ZNF362: variants seen among roughly 807,000 people sequenced by gnomAD.
ZNF362 encodes the protein zinc finger protein 362.
In ZNF362, 11 loss-of-function variants were observed where a neutral mutation model predicts 42.9. The ratio of observed to expected loss-of-function variants is 0.26; its 90% confidence interval spans 0.16 to 0.42. ZNF362 has a LOEUF of 0.42. Ranked by LOEUF, ZNF362 falls within the 20% of genes least tolerant of loss-of-function variation. The pLI is 1.00. For missense variants in ZNF362, 362 were observed against 576.2 expected (o/e 0.63, Z 3.81); for synonymous variants, 255 against 257.3 (o/e 0.99, Z 0.09).
At chr1:33,220,593 G>C in the ZNF362 span, among the ~76,000 whole-genome samples, 1 of 152,114 alleles carries the variant, frequency 6.6e-6, no homozygotes, top group Admixed American at 6.5e-5. Context: ...GGCGCCATCT[G>C]TGGCTGATTT....
chr1:33,287,602 G>C (rs1439507586), intron 6 of ZNF362, among the ~76,000 whole-genome samples: 1 of 152,218 alleles, frequency 6.6e-6, no homozygotes, highest in Non-Finnish European at 1.5e-5. Flanking sequence ...GGATTTGTCT[G>C]TTTATTCAGG....
chr1:33,147,100 C>G, the ZNF362 span: 6 of 1,527,722 alleles, frequency 3.9e-6, no homozygotes, highest in Non-Finnish European at 5.3e-6. This position sits in a 1 kb window ranked among gnomAD's most constrained non-coding sequence, Gnocchi z 8.1. Flanking sequence ...GGGCTGGAGT[C>G]CAGGTCTTCT....
chr1:33,256,172 TGGCGGCGGCGGC>T (rs535478080), upstream of ZNF362, among the ~76,000 whole-genome samples: 11 of 145,494 alleles, frequency 7.6e-5, no homozygotes, highest in African/African-American at 1.3e-4. Context: ...TGCCAGGCGG[TGGCGGCGGCGGC>T]GGCGGCGGCG....
intron 1 of ZNF362, among the ~76,000 whole-genome samples, chr1:33,256,979 A>G (rs1001945883): frequency 2.0e-5 from 3 of 151,946 alleles, no homozygotes; most frequent in Non-Finnish European, 4.4e-5. Context: ...CCCTGCTGCA[A>G]TTCTCCGGTA....
the ZNF362 span, among the ~76,000 whole-genome samples, chr1:33,131,214 A>G: frequency 6.6e-6 from 1 of 152,252 alleles, no homozygotes; most frequent in East Asian, 1.9e-4. Context: ...AGTGTATGGT[A>G]TACCATTCTC....
chr1:33,256,456 G>A, upstream of ZNF362: 1 of 163,376 alleles, frequency 6.1e-6, no homozygotes, highest in Non-Finnish European at 1.2e-5. Flanking sequence ...GCCTCCCGCC[G>A]CCGCCGCCGC....
At chr1:33,231,347 G>A in the ZNF362 span, among the ~76,000 whole-genome samples, 4 of 152,272 alleles carry the variant, frequency 2.6e-5, no homozygotes, top group South Asian at 8.3e-4. Context: ...ATTGCATGAT[G>A]GCCACATCAT....
At chr1:33,215,660 T>C in the ZNF362 span, among the ~76,000 whole-genome samples, 714 of 152,240 alleles carry the variant, frequency 4.7e-3, 7 homozygotes, top group African/African-American at 0.016. Context: ...GTCACTAACA[T>C]TTTTTAAAAA....
Position 33,280,451 on chromosome 1 carries a change from C to T in ZNF362, c.677C>T (p.Thr226Met), listed in dbSNP as rs1352987659. The change falls in exon 5 of 9, where the codon ACG becomes ATG. Residue 226 changes from threonine (T) to methionine (M), a missense_variant. Around this residue, in one of 3 missense-constraint regions of ZNF362, gnomAD observed 266 missense variants for 365.4 expected, o/e 0.73. Transcript: ENST00000539719. The surrounding 1 kb of genome is among the most constrained non-coding windows in gnomAD (Gnocchi z 5.6). ...ASGETAKEGK[T>M]YRCKVCPLTF... ...GGCGAGACTGCCAAGGAGGGCAAGA[C>T]GTACAGGTGGGGGTCTTGGCGGGAT... 1.9e-6 allele frequency: 3 copies of T among 1,588,640 alleles called. No individual in the cohort carries two copies. The highest frequency in any genetic ancestry group is 4.6e-5 in the East Asian group (2 of 43,780).
At chr1:33,220,524 C>T in the ZNF362 span, among the ~76,000 whole-genome samples, 2 of 152,178 alleles carry the variant, frequency 1.3e-5, no homozygotes, top group South Asian at 4.2e-4. Context: ...AACCCACCCC[C>T]CTACAGTCAT....
upstream of ZNF362, among the ~76,000 whole-genome samples, chr1:33,254,326 G>A (rs1352228113): frequency 6.6e-6 from 1 of 152,122 alleles, no homozygotes; most frequent in African/African-American, 2.4e-5. Flanking sequence ...GTTTCACCAC[G>A]TTGGTCAGGC....
the ZNF362 span, among the ~76,000 whole-genome samples, chr1:33,229,421 T>G: frequency 7.1e-6 from 1 of 141,638 alleles, no homozygotes; most frequent in African/African-American, 2.5e-5. Context: ...TTTTTTTTTT[T>G]TGTGAGACGG....
chr1:33,156,711 T>C, the ZNF362 span, among the ~76,000 whole-genome samples: 1 of 152,204 alleles, frequency 6.6e-6, no homozygotes, highest in South Asian at 2.1e-4. Flanking sequence ...ACCTTCCTTT[T>C]GTATTGCTGG....
At chr1:33,149,496 C>T in the ZNF362 span, among the ~76,000 whole-genome samples, 2 of 152,028 alleles carry the variant, frequency 1.3e-5, no homozygotes, top group African/African-American at 4.8e-5. Flanking sequence ...ACTCTGCCAC[C>T]CAGGCTGGAG....
intron 6 of ZNF362, among the ~76,000 whole-genome samples, chr1:33,291,730 T>C (rs1171878333): frequency 6.6e-6 from 1 of 152,236 alleles, no homozygotes. Context: ...TTGTATCCTC[T>C]TTTATTTATT....
Position 33,276,606 on chromosome 1 carries a change from G to GGGCAGGGCC in ZNF362, c.349+15_349+16insAGGGCCGGC, listed in dbSNP as rs901124081. The GGGCAGGGCC allele has an allele frequency of 2.3e-6, 3 of 1,326,282 alleles. No individual in the cohort carries two copies. The African/African-American group carries it at 4.7e-5, about 21-fold the overall frequency. 82.2% of individuals were successfully genotyped at this position (1,326,282 alleles called of 1,614,324 possible). On this transcript the variant is annotated intron_variant, in intron 4 of 8. Transcript: ENST00000539719. The stretch of plus-strand genomic sequence containing the variant: ...CAGCACCGTCACAGGTAGGCCGAGC[G>GGGCAGGGCC]GGCGGGGCCGGCGGGGCCGGTGAGG...
chr1:33,226,294 G>C, the ZNF362 span, among the ~76,000 whole-genome samples: 2 of 152,208 alleles, frequency 1.3e-5, no homozygotes, highest in Admixed American at 1.3e-4. Flanking sequence ...GAAGGGCATA[G>C]AGCTAAGACA....
chr1:33,201,433 T>C, the ZNF362 span, among the ~76,000 whole-genome samples: 1 of 152,216 alleles, frequency 6.6e-6, no homozygotes, highest in Non-Finnish European at 1.5e-5. Context: ...TCAAGTCATA[T>C]AAAGTATATT....
chr1:33,181,489 G>A, the ZNF362 span: 31 of 1,517,840 alleles, frequency 2.0e-5, no homozygotes, highest in East Asian at 2.4e-5. This position sits in a 1 kb window ranked among gnomAD's most constrained non-coding sequence, Gnocchi z 6.5. Context: ...CTGAGAGAGC[G>A]CGGCGCTGTC....
Sources: allele counts gnomAD v4.1 joint callset (sites outside exome capture counted in the v4.1 genomes callset), GRCh38; gene constraint gnomAD v4.1.1; regional missense constraint gnomAD v4.1.1; non-coding constraint Gnocchi (gnomAD v3.1); transcripts MANE v1.5; gene names NCBI Gene and HGNC (gene_info 2026-07-23, HGNC 2026-07-21).